Variants in KCNIP4 observed in about 807,000 individuals in gnomAD.
The protein encoded by KCNIP4 is Kv channel-interacting protein 4.
In KCNIP4, 12 loss-of-function variants were observed where a neutral mutation model predicts 34.0. That is an observed-to-expected ratio of 0.35 (90% CI 0.23 to 0.57). The LOEUF (loss-of-function observed/expected upper bound fraction) is 0.57, where lower values mean the gene tolerates loss of function less well. Ranked by LOEUF, KCNIP4 falls within the 20% of genes least tolerant of loss-of-function variation. KCNIP4 has a pLI of 0.83. For missense variants in KCNIP4, 238 were observed against 311.7 expected, an observed-to-expected ratio of 0.76 and a Z score of 1.78; for synonymous variants, 124 against 102.2, an observed-to-expected ratio of 1.21 and a Z score of -1.29.
intron 1 of KCNIP4, among the ~76,000 whole-genome samples, chr4:21,712,972 C>T (rs920494998): frequency 6.6e-6 from 1 of 152,066 alleles, no homozygotes; most frequent in Admixed American, 6.6e-5. Flanking sequence ...ATCTTCTTTC[C>T]TTCCCCATTT....
chr4:21,686,751 T>A (rs1750831076), intron 1 of KCNIP4, among the ~76,000 whole-genome samples: 1 of 152,172 alleles, frequency 6.6e-6, no homozygotes, highest in African/African-American at 2.4e-5. Flanking sequence ...CAGATTAGAA[T>A]GAGCAGCTGA....
chr4:21,238,715 A>G (rs1193024860), intron 1 of KCNIP4, among the ~76,000 whole-genome samples: 3 of 152,214 alleles, frequency 2.0e-5, no homozygotes, highest in Non-Finnish European at 2.9e-5. Flanking sequence ...ACCACTGCTC[A>G]ATGAAATAAA....
chr4:21,833,361 ATG>A (rs1023937226), intron 1 of KCNIP4, among the ~76,000 whole-genome samples: 142 of 152,056 alleles, frequency 9.3e-4, no homozygotes, highest in African/African-American at 3.2e-3. Flanking sequence ...GCATTTTTTC[ATG>A]TGTTTTTTGG....
intron 1 of KCNIP4, among the ~76,000 whole-genome samples, chr4:21,354,901 A>C (rs1242084002): frequency 6.6e-6 from 1 of 152,180 alleles, no homozygotes; most frequent in African/African-American, 2.4e-5. Context: ...GTTGCAAGTA[A>C]AGCACTCCTC....
At chr4:20,864,120 A>G (rs1722550970) in intron 2 of KCNIP4, among the ~76,000 whole-genome samples, 11 of 137,472 alleles carry the variant, frequency 8.0e-5, no homozygotes, top group Non-Finnish European at 5.1e-5. Flanking sequence ...ATACATATCC[A>G]TGTATACACA....
chr4:21,319,136 T>A (rs1411631472), intron 1 of KCNIP4, among the ~76,000 whole-genome samples: 4 of 152,158 alleles, frequency 2.6e-5, no homozygotes, highest in African/African-American at 9.7e-5. Flanking sequence ...GCCTGCTCTA[T>A]CCACAGGCAA....
chr4:21,377,867 T>C (rs1467595686), intron 1 of KCNIP4, among the ~76,000 whole-genome samples: 1 of 152,220 alleles, frequency 6.6e-6, no homozygotes, highest in African/African-American at 2.4e-5. Flanking sequence ...TAGTAGCTCA[T>C]ATTCCTGACA....
At chr4:21,627,730 T>C (rs1745439660) in intron 1 of KCNIP4, among the ~76,000 whole-genome samples, 1 of 152,200 alleles carries the variant, frequency 6.6e-6, no homozygotes, top group South Asian at 2.1e-4. Flanking sequence ...TGTTGATCTT[T>C]TCACACTGAA....
chr4:21,130,063 C>T (rs781398772), intron 1 of KCNIP4, among the ~76,000 whole-genome samples: 1 of 152,012 alleles, frequency 6.6e-6, no homozygotes, highest in Non-Finnish European at 1.5e-5. Context: ...AGGAGGGAGC[C>T]TTGAATGACC....
intron 1 of KCNIP4, among the ~76,000 whole-genome samples, chr4:21,455,094 T>C (rs1448383218): frequency 1.3e-5 from 2 of 151,982 alleles, no homozygotes; most frequent in African/African-American, 4.8e-5. Context: ...TTAATATGAG[T>C]CAGATTACAT....
intron 1 of KCNIP4, among the ~76,000 whole-genome samples, chr4:21,596,066 A>G (rs1288453274): frequency 1.3e-5 from 2 of 152,056 alleles, no homozygotes; most frequent in Non-Finnish European, 2.9e-5. Flanking sequence ...AGCGCAACCA[A>G]CGCCTTGTAT....
intron 1 of KCNIP4, among the ~76,000 whole-genome samples, chr4:20,986,162 C>G (rs914925447): frequency 2.6e-5 from 4 of 152,148 alleles, no homozygotes; most frequent in Admixed American, 2.0e-4. Context: ...TTCCCTGGTC[C>G]TGCCACCCCT....
At chr4:21,761,372 A>T (rs1489523038) in intron 1 of KCNIP4, among the ~76,000 whole-genome samples, 2 of 152,124 alleles carry the variant, frequency 1.3e-5, no homozygotes, top group Non-Finnish European at 2.9e-5. Flanking sequence ...TTGATGAAGA[A>T]ATTCAAATAA....
chr4:20,883,359 G>GC (rs1724927705), intron 1 of KCNIP4, among the ~76,000 whole-genome samples: 1 of 152,146 alleles, frequency 6.6e-6, no homozygotes, highest in Admixed American at 6.5e-5. Flanking sequence ...TCTGGAAGAA[G>GC]CCAGACAAGC....
At chr4:21,380,931 T>C (rs1342585539) in intron 1 of KCNIP4, among the ~76,000 whole-genome samples, 1 of 152,118 alleles carries the variant, frequency 6.6e-6, no homozygotes, top group African/African-American at 2.4e-5. Flanking sequence ...TGTTGCAAGG[T>C]ATATGTTCTC....
chr4:21,291,863 AAAAAAAAGAAAG>A lies in KCNIP4; in HGVS notation c.62-409166_62-409155del, dbSNP rs1173437323. Among the ~76,000 whole-genome samples, 150 of 71,592 alleles carry A rather than the reference AAAAAAAAGAAAG, an allele frequency of 2.1e-3. 8 individuals are homozygous for A. The highest frequency in any genetic ancestry group is 9.9e-3 in the South Asian group (18 of 1,824). 47.0% of individuals were successfully genotyped at this position (71,592 alleles called of 152,430 possible). A position where few individuals can be genotyped will look rare whatever the true frequency, so the allele number is the denominator to read the frequency against. ...AGTTAGACTCCGCCTCAAAAAAAAA[AAAAAAAAGAAAG>A]AAAGAAAGAAAGAAAGAAAGAAAGA... On this transcript the variant is annotated intron_variant, in intron 1 of 8. Transcript: ENST00000382152.
chr4:21,815,602 T>C (rs1229439229), intron 1 of KCNIP4, among the ~76,000 whole-genome samples: 1 of 152,178 alleles, frequency 6.6e-6, no homozygotes, highest in Non-Finnish European at 1.5e-5. Flanking sequence ...GTGTGCAGAC[T>C]GACATCTACA....
intron 1 of KCNIP4, among the ~76,000 whole-genome samples, chr4:21,302,734 T>C (rs1226815222): frequency 6.6e-6 from 1 of 152,100 alleles, no homozygotes; most frequent in African/African-American, 2.4e-5. Context: ...CCATGAGTTA[T>C]AAATGTAGGT....
intron 1 of KCNIP4, among the ~76,000 whole-genome samples, chr4:20,975,182 A>G (rs1735358093): frequency 6.6e-6 from 1 of 152,210 alleles, no homozygotes; most frequent in Non-Finnish European, 1.5e-5. Context: ...TCCACTACTT[A>G]TAGATCTTTT....
Sources: gnomAD v4.1 joint callset for allele counts (sites outside exome capture counted in the v4.1 genomes callset) on GRCh38, gnomAD v4.1.1 for gene constraint, MANE v1.5 for transcripts, NCBI Gene and HGNC (gene_info 2026-07-23, HGNC 2026-07-21) for gene names.